The following DNAL1 variants were observed in gnomAD, a reference collection of about 807,000 sequenced individuals.
DNAL1 encodes the protein chromosome 14 open reading frame 168.
A neutral mutation model predicts 29.4 loss-of-function variants in DNAL1; 17 were observed. That is an observed-to-expected ratio of 0.58 (90% confidence interval 0.40 to 0.87). The LOEUF is 0.87. Ranked by LOEUF, DNAL1 falls within the 40% of genes least tolerant of loss-of-function variation. The pLI is 0.00. For missense variants in DNAL1, 188 were observed against 214.1 expected (o/e 0.88, Z 0.76); for synonymous variants, 78 against 76.3 (o/e 1.02, Z -0.12).
chr14:73,654,496 C>T (rs147204878), intron 1 of DNAL1, among the ~76,000 whole-genome samples: 7,047 of 152,222 alleles, frequency 0.046, 205 homozygotes, highest in Middle Eastern at 0.082. Context: ...CGGTGGCTCA[C>T]GCCTGTAATC....
At chr14:73,678,439 A>G (rs974339289) in intron 5 of DNAL1, among the ~76,000 whole-genome samples, 4 of 150,120 alleles carry the variant, frequency 2.7e-5, no homozygotes, top group Non-Finnish European at 4.4e-5. Context: ...AGTAGATGTT[A>G]TTATCCTTAT....
chr14:73,648,017 G>A (rs1047254261), intron 1 of DNAL1, among the ~76,000 whole-genome samples: 8 of 152,030 alleles, frequency 5.3e-5, no homozygotes, highest in Non-Finnish European at 7.4e-5. Context: ...TCGTTCTGTC[G>A]CCCAAGCTGG....
chr14:73,703,299 T>A lies in DNAL1; in HGVS notation c.*7357T>A, dbSNP rs1255976633. On this transcript the variant is annotated 3_prime_UTR_variant, in exon 8 of 8. Coordinates refer to ENST00000553645, the MANE Select transcript of DNAL1 (RefSeq NM_031427.4). ...TATATACGCATGTAGATACATACAA[T>A]TGTTATATATAATTAAAAGTCAGAA... 1.3e-5 allele frequency: 2 copies of A among 152,164 alleles called. No homozygotes were observed. Among genetic ancestry groups the A allele is most frequent in the Non-Finnish European group, 2.9e-5 (2 of 68,034 alleles). 9.4% of individuals were successfully genotyped at this position (152,164 alleles called of 1,614,324 possible).
chr14:73,657,976 C>G (rs536939776), intron 2 of DNAL1, among the ~76,000 whole-genome samples: 3 of 152,328 alleles, frequency 2.0e-5, no homozygotes, highest in South Asian at 2.1e-4. Context: ...AAAATCTTCT[C>G]CTAGACCAAT....
At chr14:73,645,514 C>A (rs1341644602) in intron 1 of DNAL1, among the ~76,000 whole-genome samples, 1 of 152,022 alleles carries the variant, frequency 6.6e-6, no homozygotes, top group African/African-American at 2.4e-5. Flanking sequence ...ACTACGAGGG[C>A]AGTTATTAGG....
At chr14:73,666,776 G>A (rs994461654) in intron 4 of DNAL1, among the ~76,000 whole-genome samples, 1 of 152,076 alleles carries the variant, frequency 6.6e-6, no homozygotes, top group Non-Finnish European at 1.5e-5. Flanking sequence ...CATCTTAGTT[G>A]ATGAATCAGC....
intron 1 of DNAL1, chr14:73,651,101 G>A (rs763247475): frequency 1.3e-5 from 2 of 151,976 alleles, no homozygotes. Flanking sequence ...CTTGATCATG[G>A]TTCAATAAAC....
rs1323542831 is a variant in DNAL1, at chr14:73,698,070, A to G, written c.*2128A>G. ...AATATAATAGGAAGTAAGTGATTTC[A>G]TATTGAATTTATTTGTAAAATGGCT... is the stretch of plus-strand genomic sequence containing the variant. On this transcript the variant is annotated 3_prime_UTR_variant, in exon 8 of 8. Transcript: ENST00000553645. 1 of 152,234 alleles carries G rather than the reference A, an allele frequency of 6.6e-6. No individual in the cohort carries two copies. Among genetic ancestry groups the G allele is most frequent in the African/African-American group, 2.4e-5 (1 of 41,462 alleles). The allele number at this position is 152,234 out of a possible 1,614,324, so 9.4% of individuals were successfully genotyped here.
intron 2 of DNAL1, among the ~76,000 whole-genome samples, chr14:73,657,271 G>A (rs940252957): frequency 4.6e-5 from 7 of 152,286 alleles, no homozygotes; most frequent in African/African-American, 1.4e-4. Context: ...AGTGCAGTGA[G>A]CTCAAGTGAT....
At chr14:73,684,419 A>G (rs2140055788) in intron 5 of DNAL1, among the ~76,000 whole-genome samples, 1 of 152,292 alleles carries the variant, frequency 6.6e-6, no homozygotes, top group East Asian at 1.9e-4. Context: ...CTTCCTGTTT[A>G]TATTAAATAA....
At chr14:73,689,028 T>G (rs1329237903) in intron 6 of DNAL1, among the ~76,000 whole-genome samples, 3 of 13,158 alleles carry the variant, frequency 2.3e-4, no homozygotes, top group African/African-American at 5.3e-4. Context: ...AACTTGCTGT[T>G]TTTTTTTTTT....
chr14:73,678,430 G>T (rs1200272017), intron 5 of DNAL1, among the ~76,000 whole-genome samples: 1 of 150,578 alleles, frequency 6.6e-6, no homozygotes. Context: ...CAGCTCACAA[G>T]TAGATGTTAT....
chr14:73,683,936 G>A (rs1482695332), intron 5 of DNAL1, among the ~76,000 whole-genome samples: 1 of 151,780 alleles, frequency 6.6e-6, no homozygotes, highest in Non-Finnish European at 1.5e-5. Flanking sequence ...CAAACTCCTG[G>A]CCTCAAGTGA....
At chr14:73,688,775 G>C (rs1892084964) in intron 6 of DNAL1, among the ~76,000 whole-genome samples, 1 of 152,156 alleles carries the variant, frequency 6.6e-6, no homozygotes, top group Admixed American at 6.5e-5. Flanking sequence ...ACCTGTCACT[G>C]GAGAGTGATT....
At position 73,697,779 on chromosome 14, in the gene DNAL1, T is replaced by C. The variant is rs1003520972; in HGVS notation, c.*1837T>C. The C allele has an allele frequency of 1.3e-5, 2 of 150,750 alleles. No homozygotes were observed. The highest frequency in any genetic ancestry group is 1.3e-4 in the Admixed American group (2 of 15,120). The allele number at this position is 150,750 out of a possible 1,614,324, so 9.3% of individuals were successfully genotyped here. ...AAAAAAAAAAAAGAGGAAAACTTGG[T>C]CTAACACCCTTTTAGTTTTCTTTTC... On this transcript the variant is annotated 3_prime_UTR_variant, in exon 8 of 8. Transcript: ENST00000553645.
chr14:73,648,009 G>A (rs1165767543), intron 1 of DNAL1, among the ~76,000 whole-genome samples: 7 of 152,144 alleles, frequency 4.6e-5, no homozygotes, highest in African/African-American at 7.2e-5. Flanking sequence ...ACAGAGTCTC[G>A]TTCTGTCGCC....
At chr14:73,670,744 TA>T (rs1315997381) in intron 4 of DNAL1, among the ~76,000 whole-genome samples, 8 of 151,100 alleles carry the variant, frequency 5.3e-5, no homozygotes, top group Admixed American at 2.0e-4. Flanking sequence ...TTTTTATTAT[TA>T]TTTTTTTTTG....
intron 5 of DNAL1, chr14:73,673,200 G>A (rs1208357625): frequency 6.6e-6 from 1 of 152,098 alleles, no homozygotes; most frequent in Non-Finnish European, 1.5e-5. Flanking sequence ...TTGTAATACA[G>A]AAATTCAGAA....
Position 73,696,734 on chromosome 14 carries a change from C to A in DNAL1, c.*792C>A, listed in dbSNP as rs1323697054. The A allele has an allele frequency of 6.6e-6, 1 of 152,090 alleles. No homozygotes were observed. Among genetic ancestry groups the A allele is most frequent in the Non-Finnish European group, 1.5e-5 (1 of 68,032 alleles). The allele number at this position is 152,090 out of a possible 1,614,324, so 9.4% of individuals were successfully genotyped here. A position where few individuals can be genotyped will look rare whatever the true frequency, so the allele number is the denominator to read the frequency against. On this transcript the variant is annotated 3_prime_UTR_variant, in exon 8 of 8. Transcript: ENST00000553645. ...AAGCACACATTTTGGTTTTATAGTT[C>A]CTTATGTGTTTAAAGCATTAGTTAT...
Sources: gnomAD v4.1 joint callset for allele counts (sites outside exome capture counted in the v4.1 genomes callset) on GRCh38, gnomAD v4.1.1 for gene constraint, MANE v1.5 for transcripts, NCBI Gene and HGNC (gene_info 2026-07-23, HGNC 2026-07-21) for gene names.